The following ALPK1 variants were observed in gnomAD, a reference collection of about 807,000 sequenced individuals.
ALPK1 encodes the protein alpha-protein kinase 1.
Under a neutral mutation model 120.6 loss-of-function variants are expected in ALPK1, and 110 were observed. The ratio of observed to expected loss-of-function variants is 0.91; its 90% CI spans 0.78 to 1.07. ALPK1 has a LOEUF of 1.07. Among genes scored for constraint, ALPK1 ranks in the 50% least tolerant of loss-of-function variants. ALPK1 has a pLI of 0.00. For missense variants in ALPK1, 1,498 were observed against 1,483.9 expected (o/e 1.01, Z -0.16); for synonymous variants, 582 against 560.3 (o/e 1.04, Z -0.55).
In ALPK1 at chr4:112,431,068, A is replaced by T; in HGVS notation, c.1521A>T (p.Gln507His). The change falls in exon 11 of 16, where the codon CAA becomes CAT. Residue 507 changes from glutamine (Q) to histidine (H), a missense_variant. By Grantham distance (24) the Gln-to-His change is conservative. Coordinates refer to ENST00000650871, the MANE Select transcript of ALPK1 (RefSeq NM_025144.4). Reference sequence around the variant, plus strand: ...ACATAGATACTGTGAGTACTACTCAAGAAAAGCCACATTGTCAAAGAGACA... The same window carrying T: ...ACATAGATACTGTGAGTACTACTCATGAAAAGCCACATTGTCAAAGAGACA... ...IKNIDTVSTT[Q>H]EKPHCQRDTG... is the part of the protein sequence containing the mutation. 1 of 1,614,264 alleles carries T rather than the reference A, an allele frequency of 6.2e-7. No homozygotes were observed. The highest frequency in any genetic ancestry group is 2.2e-5 in the East Asian group (1 of 44,888).
rs1166817544 is a variant in ALPK1 at position 112,442,317 on chromosome 4, G to C, written c.*1107G>C. On this transcript the variant is annotated 3_prime_UTR_variant, in exon 16 of 16. Transcript: ENST00000650871. ...AGAATGAGATCATGTCCTTTGCAGG[G>C]ACATGGATAGAGCTGGAGGCCATTA... 2.6e-5 allele frequency: 4 copies of C among 152,146 alleles called. No homozygotes were observed. Among genetic ancestry groups the C allele is most frequent in the African/African-American group, 9.7e-5 (4 of 41,428 alleles). 9.4% of individuals were successfully genotyped at this position (152,146 alleles called of 1,614,324 possible).
At chr4:112,396,903 A>G (rs1311705378) in intron 4 of ALPK1, among the ~76,000 whole-genome samples, 1 of 151,958 alleles carries the variant, frequency 6.6e-6, no homozygotes, top group African/African-American at 2.4e-5. Flanking sequence ...TCAGCTTCCC[A>G]AGTAACTGGA....
intron 1 of ALPK1, among the ~76,000 whole-genome samples, chr4:112,312,107 A>G (rs185317981): frequency 9.2e-4 from 140 of 152,336 alleles, no homozygotes; most frequent in Non-Finnish European, 1.2e-3. Context: ...TTAAAACTTC[A>G]TTATAAATAC....
chr4:112,393,702 T>C (rs368977504), intron 4 of ALPK1, among the ~76,000 whole-genome samples: 3 of 152,204 alleles, frequency 2.0e-5, no homozygotes, highest in South Asian at 2.1e-4. Context: ...CAAGTACAAA[T>C]ACTGAAGTGC....
chr4:112,421,119 ACCGTGCCCGGC>A (rs1373090538), intron 5 of ALPK1, among the ~76,000 whole-genome samples: 1 of 152,138 alleles, frequency 6.6e-6, no homozygotes, highest in African/African-American at 2.4e-5. Context: ...GGCATGAGCC[ACCGTGCCCGGC>A]CCATAAAATA....
chr4:112,374,065 C>G (rs555140637), intron 2 of ALPK1, among the ~76,000 whole-genome samples: 1 of 152,278 alleles, frequency 6.6e-6, no homozygotes, highest in South Asian at 2.1e-4. Context: ...ATTGAGTCAT[C>G]CTTTTCCTAA....
intron 4 of ALPK1, among the ~76,000 whole-genome samples, chr4:112,399,831 G>C (rs1182465419): frequency 6.6e-6 from 1 of 152,066 alleles, no homozygotes; most frequent in Non-Finnish European, 1.5e-5. Flanking sequence ...TCCCACTTAT[G>C]AGTGAGAACG....
intron 4 of ALPK1, among the ~76,000 whole-genome samples, chr4:112,398,288 A>G (rs1056976394): frequency 1.3e-5 from 2 of 152,008 alleles, no homozygotes; most frequent in Non-Finnish European, 2.9e-5. Context: ...ACAGACTTAA[A>G]TTTTTTTAAT....
intron 1 of ALPK1, among the ~76,000 whole-genome samples, chr4:112,298,308 C>T (rs1727632232): frequency 6.6e-6 from 1 of 151,716 alleles, no homozygotes; most frequent in Non-Finnish European, 1.5e-5. Flanking sequence ...TACTTTGTGC[C>T]ACTAATTCTC....
chr4:112,367,844 A>G (rs1731226358), intron 2 of ALPK1, among the ~76,000 whole-genome samples: 1 of 152,134 alleles, frequency 6.6e-6, no homozygotes, highest in Non-Finnish European at 1.5e-5. Flanking sequence ...GTTGAATTCT[A>G]AGTGATATAT....
Position 112,438,480 on chromosome 4 carries a change from A to G in ALPK1, c.3189-4A>G. 1 of 1,612,364 alleles carries G rather than the reference A, an allele frequency of 6.2e-7. No homozygotes were observed. Among genetic ancestry groups the G allele is most frequent in the South Asian group, 1.1e-5 (1 of 90,960 alleles). The stretch of plus-strand genomic sequence containing the variant: ...TTTGTTGTGTGGATTTTCTTTGTTC[A>G]TAGGTATGTTGGGAAAGACTATAAG... On this transcript the variant is annotated splice_region_variant and splice_polypyrimidine_tract_variant and intron_variant, in intron 12 of 15. Transcript: ENST00000650871.
chr4:112,321,301 C>T (rs1728859520), intron 2 of ALPK1, among the ~76,000 whole-genome samples: 1 of 152,108 alleles, frequency 6.6e-6, no homozygotes, highest in East Asian at 1.9e-4. Flanking sequence ...AAAGAGCCAG[C>T]TTTTCATTTC....
Position 112,360,446 on chromosome 4 carries a change from TG to T in ALPK1, c.-100-17231del, listed in dbSNP as rs1730863555. Among the ~76,000 whole-genome samples the T allele has an allele frequency of 2.0e-5, 3 of 152,346 alleles. No homozygotes were observed. The South Asian group carries it at 6.2e-4, about 32-fold the overall frequency. Reference sequence around the variant, plus strand: ...TGCTGTAGCTTTATATTAAGTACAATGTTTTTTTGTGTGTGTATGGAAATTT... The same window carrying T: ...TGCTGTAGCTTTATATTAAGTACAATTTTTTTTGTGTGTGTATGGAAATTT... On this transcript the variant is annotated intron_variant, in intron 2 of 15. Transcript: ENST00000650871.
chr4:112,348,000 T>C (rs2148709288), intron 2 of ALPK1, among the ~76,000 whole-genome samples: 1 of 152,228 alleles, frequency 6.6e-6, no homozygotes. Context: ...TCCTCCTTAT[T>C]AGAGAAAGGA....
rs1735045257 is a variant in ALPK1, at chr4:112,441,622, C to T, written c.*412C>T. 4 of 175,352 alleles carry T rather than the reference C, an allele frequency of 2.3e-5. No homozygotes were observed. Among genetic ancestry groups the T allele is most frequent in the South Asian group, 1.6e-4 (1 of 6,300 alleles). 10.9% of individuals were successfully genotyped at this position (175,352 alleles called of 1,614,324 possible). On this transcript the variant is annotated 3_prime_UTR_variant, in exon 16 of 16. Coordinates refer to ENST00000650871, the MANE Select transcript of ALPK1 (RefSeq NM_025144.4). ...TTGTGATACGAATTCAATTTGTTTTCCTGTCTTTTGACATTTGACTTTGCA... is the reference window on the plus strand; with the variant it reads ...TTGTGATACGAATTCAATTTGTTTTTCTGTCTTTTGACATTTGACTTTGCA...
chr4:112,399,958 A>G (rs911633584), intron 4 of ALPK1, among the ~76,000 whole-genome samples: 18 of 152,186 alleles, frequency 1.2e-4, no homozygotes, highest in African/African-American at 2.2e-4. Context: ...ATAGTATTCC[A>G]TGGTGTATAT....
intron 2 of ALPK1, among the ~76,000 whole-genome samples, chr4:112,375,751 T>C (rs1348051184): frequency 6.6e-6 from 1 of 152,138 alleles, no homozygotes; most frequent in Non-Finnish European, 1.5e-5. Flanking sequence ...CAAGAAATTT[T>C]TTTTTTTTTT....
chr4:112,403,053 G>T (rs926807008), intron 4 of ALPK1, among the ~76,000 whole-genome samples: 4 of 151,600 alleles, frequency 2.6e-5, no homozygotes, highest in Admixed American at 2.6e-4. Flanking sequence ...TTTTTAGGGG[G>T]TGGGGGAGGG....
At chr4:112,427,926 A>G in intron 9 of ALPK1, 1 of 298,188 alleles carries the variant, frequency 3.4e-6, no homozygotes, top group Non-Finnish European at 6.2e-6. Context: ...CAACAAAATG[A>G]TTTTGAGCCT....
Sources: allele counts gnomAD v4.1 joint callset (sites outside exome capture counted in the v4.1 genomes callset), GRCh38; gene constraint gnomAD v4.1.1; transcripts MANE v1.5; gene names NCBI Gene and HGNC (gene_info 2026-07-23, HGNC 2026-07-21).